Variants in MSS51 observed in about 807,000 individuals in gnomAD.
MSS51 encodes MSS51 mitochondrial translational activator.
Under a neutral mutation model 40.2 loss-of-function variants are expected in MSS51, and 32 were observed. The observed-to-expected ratio is 0.80, with a 90% CI of 0.60 to 1.07. MSS51 has a LOEUF of 1.07. MSS51 is among the 50% of genes least tolerant of loss of function. The pLI is 0.00. For synonymous variants in MSS51, 178 were observed against 214.2 expected (o/e 0.83, Z 1.48); for missense variants, 518 against 568.9 (o/e 0.91, Z 0.91).
intron 1 of MSS51, among the ~76,000 whole-genome samples, chr10:73,428,823 T>C (rs949851821): frequency 6.6e-6 from 1 of 151,904 alleles, no homozygotes; most frequent in Non-Finnish European, 1.5e-5. Flanking sequence ...AATTTACACA[T>C]AGTAAGTCCT....
chr10:73,425,898 G>A lies in MSS51; in HGVS notation c.982C>T (p.His328Tyr), dbSNP rs765432324. ...CAGAAGTCATGGTAGAGGCCCCTGT[G>A]GGCACTAAGCTGAATTGTGCCAGGT... is the stretch of plus-strand genomic sequence containing the variant. ...LEPGTIQLSAHRGLYHDFWEE... is the reference protein window; with the variant it reads ...LEPGTIQLSAYRGLYHDFWEE... The change falls in exon 5 of 7, where the codon CAC becomes TAC. Residue 328 changes from histidine (H) to tyrosine (Y), a missense_variant. His to Tyr is a moderately conservative substitution (Grantham distance 83). Transcript: ENST00000299432. 2.5e-6 allele frequency: 4 copies of A among 1,614,120 alleles called. No homozygotes were observed. In the South Asian group the frequency reaches 3.3e-5, roughly 13 times the overall value.
chr10:73,426,163 G>A lies in MSS51; in HGVS notation c.717C>T (p.Val239=). Residue 239 remains valine (V), a synonymous_variant, in exon 5 of 7, where the codon GTC becomes GTT. Transcript: ENST00000299432. ...GGCCTAGAGTCAAGGGCCGTGACAGGACATCTGTCAGCAGCCGCTTCAAAG... is the reference window on the plus strand; with the variant it reads ...GGCCTAGAGTCAAGGGCCGTGACAGAACATCTGTCAGCAGCCGCTTCAAAG... ...QGSLKRLLTD[V]LSRPLTLGLG... 6.2e-7 allele frequency: 1 copy of A among 1,614,172 alleles called. No individual in the cohort carries two copies. Among genetic ancestry groups the A allele is most frequent in the Non-Finnish European group, 8.5e-7 (1 of 1,180,016 alleles).
chr10:73,425,480 G>A (rs1028216342), intron 5 of MSS51, among the ~76,000 whole-genome samples: 4 of 151,438 alleles, frequency 2.6e-5, no homozygotes, highest in East Asian at 1.9e-4. Flanking sequence ...CGAGATCATC[G>A]TGGCTAACAC....
At chr10:73,426,808 T>G in intron 3 of MSS51, 77 bp from the exon 4 acceptor site, 1 of 1,533,546 alleles carries the variant, frequency 6.5e-7, no homozygotes, top group Non-Finnish European at 8.9e-7. Context: ...CTGATATTCC[T>G]GCACCTAGGA....
rs1487718058 is a variant in MSS51 at position 73,427,950 on chromosome 10, A to C, written c.221+114T>G. The C allele has an allele frequency of 3.3e-6, 4 of 1,216,646 alleles. No individual in the cohort carries two copies. In the Admixed American group the frequency reaches 9.7e-5, roughly 30 times the overall value. 75.4% of individuals were successfully genotyped at this position (1,216,646 alleles called of 1,614,324 possible). A position where few individuals can be genotyped will look rare whatever the true frequency, so the allele number is the denominator to read the frequency against. On this transcript the variant is annotated intron_variant, in intron 2 of 6. Coordinates refer to ENST00000299432, the MANE Select transcript of MSS51 (RefSeq NM_001024593.2). ...ATATAGTAACTGGCAAAAGGATGAG[A>C]AAATCTCTTATTGCAAATACTCCAT...
chr10:73,424,405 A>G lies in MSS51; in HGVS notation c.*148T>C, dbSNP rs2055965013. ...AAAAGAAAGAAACCAGTTATGTTAT[A>G]CAGAAACTCTCATTCAGCTTAGAAT... On this transcript the variant is annotated 3_prime_UTR_variant, in exon 7 of 7. Coordinates refer to ENST00000299432, the MANE Select transcript of MSS51 (RefSeq NM_001024593.2). 5 of 660,532 alleles carry G rather than the reference A, an allele frequency of 7.6e-6. No homozygotes were observed. Among genetic ancestry groups the G allele is most frequent in the Non-Finnish European group, 1.3e-5 (5 of 374,868 alleles). The allele number at this position is 660,532 out of a possible 1,614,324, so 40.9% of individuals were successfully genotyped here.
chr10:73,430,901 T>C (rs1336456307), intron 1 of MSS51, among the ~76,000 whole-genome samples: 1 of 152,026 alleles, frequency 6.6e-6, no homozygotes, highest in African/African-American at 2.4e-5. Context: ...GATAAACAAA[T>C]TGGGATATAA....
chr10:73,428,087 G>A lies in MSS51; in HGVS notation c.198C>T (p.Asn66=), dbSNP rs1197736777. Residue 66 remains asparagine (N), a synonymous_variant, in exon 2 of 7, where the codon AAC becomes AAT. Transcript: ENST00000299432. ...GLSQLILQKL[N]MKSYEEYKLV... is the part of the protein sequence containing the mutation. ...ACTTATATTCTTCATAGCTTTTCATGTTCAGCTTTTGAAGGATCAGCTGCG... is the reference window on the plus strand; with the variant it reads ...ACTTATATTCTTCATAGCTTTTCATATTCAGCTTTTGAAGGATCAGCTGCG... The A allele has an allele frequency of 6.2e-7, 1 of 1,613,974 alleles. No homozygotes were observed. Among genetic ancestry groups the A allele is most frequent in the Non-Finnish European group, 8.5e-7 (1 of 1,179,982 alleles).
In MSS51 at chr10:73,424,362, G is replaced by C; in HGVS notation, c.*191C>G. The C allele has an allele frequency of 1.8e-6, 1 of 559,218 alleles. No individual in the cohort carries two copies. The highest frequency in any genetic ancestry group is 3.2e-6 in the Non-Finnish European group (1 of 312,272). 34.6% of individuals were successfully genotyped at this position (559,218 alleles called of 1,614,324 possible). A position where few individuals can be genotyped will look rare whatever the true frequency, so the allele number is the denominator to read the frequency against. ...GCTGCACTCCAGCCTGGGCAACAGA[G>C]CAAGACTCCATCTCAAAAAAAGAAA... On this transcript the variant is annotated 3_prime_UTR_variant, in exon 7 of 7. Transcript: ENST00000299432.
chr10:73,426,906 T>A (rs566246528), intron 3 of MSS51, among the ~76,000 whole-genome samples, 175 bp from the exon 4 acceptor site: 1 of 152,202 alleles, frequency 6.6e-6, no homozygotes, highest in Non-Finnish European at 1.5e-5. Flanking sequence ...GCAGGAGGGA[T>A]TGGGAATATA....
At chr10:73,425,709 T>G (rs1589674185) in intron 5 of MSS51, 102 bp downstream of exon 5, 1 of 979,542 alleles carries the variant, frequency 1.0e-6, no homozygotes, top group Non-Finnish European at 1.5e-6. Context: ...CATCATATTG[T>G]GTTTAATGAG....
chr10:73,426,478 C>T, intron 4 of MSS51, 101 bp from the exon 5 acceptor site: 1 of 1,577,134 alleles, frequency 6.3e-7, no homozygotes, highest in South Asian at 1.2e-5. Context: ...CTCTGCCAAC[C>T]TGTGAGCAGG....
chr10:73,432,630 G>T (rs2056036633), intron 1 of MSS51, among the ~76,000 whole-genome samples: 1 of 152,310 alleles, frequency 6.6e-6, no homozygotes, highest in South Asian at 2.1e-4. Context: ...GGATCACACA[G>T]TTTGAGGAAG....
At chr10:73,426,440 C>A (rs144854809) in intron 4 of MSS51, 63 bp from the exon 5 acceptor site, 5 of 1,578,052 alleles carry the variant, frequency 3.2e-6, no homozygotes, top group Non-Finnish European at 4.3e-6. Flanking sequence ...TTCCCCCTCA[C>A]TAATGATCAA....
chr10:73,428,154 G>A lies in MSS51; in HGVS notation c.131C>T (p.Thr44Ile). 3 of 1,614,116 alleles carry A rather than the reference G, an allele frequency of 1.9e-6. No homozygotes were observed. Among genetic ancestry groups the A allele is most frequent in the Non-Finnish European group, 2.5e-6 (3 of 1,180,034 alleles). The change falls in exon 2 of 7, where the codon ACA becomes ATA. Residue 44 changes from threonine to isoleucine, a missense_variant. Transcript: ENST00000299432. ...TPSKPGPSID[T>I]LGFFSLDDNV... ...ATCATCCAAGGAGAAGAAGCCAAGT[G>A]TGTCAATGCTAGGGCCAGGTTTTGA...
rs1236255589 is a variant in MSS51, at chr10:73,428,212, T to C, written c.73A>G (p.Thr25Ala). 4.3e-6 allele frequency: 7 copies of C among 1,614,072 alleles called. No individual in the cohort carries two copies. The highest frequency in any genetic ancestry group is 2.7e-5 in the African/African-American group (2 of 75,016). The part of the protein sequence containing the change: ...SSVAPIIMAP[T>A]TIVTPVPLTP... ...AGAGGCACAGGGGTCACAATTGTGG[T>C]TGGGGCCATGATGATGGGAGCCACT... Residue 25 changes from threonine to alanine, a missense_variant, in exon 2 of 7, where the codon ACC (threonine) becomes GCC (alanine). Transcript: ENST00000299432.
intron 1 of MSS51, among the ~76,000 whole-genome samples, chr10:73,432,619 AG>A (rs2056036519): frequency 6.6e-6 from 1 of 152,214 alleles, no homozygotes; most frequent in South Asian, 2.1e-4. Context: ...AGAAAGCAAA[AG>A]GATCACACAG....
Position 73,425,862 on chromosome 10 carries a change from C to G in MSS51, c.1018G>C (p.Val340Leu). ...GLYHDFWEEQ[V>L]ETGQTHHPDL... The stretch of plus-strand genomic sequence containing the variant: ...GGATGGTGTGTCTGCCCGGTCTCTA[C>G]TTGCTCCTCCCAGAAGTCATGGTAG... Residue 340 changes from valine to leucine, a missense_variant, in exon 5 of 7, where the codon GTA (valine) becomes CTA (leucine). Transcript: ENST00000299432. The G allele has an allele frequency of 3.1e-6, 5 of 1,614,096 alleles. No individual in the cohort carries two copies. Among genetic ancestry groups the G allele is most frequent in the Non-Finnish European group, 4.2e-6 (5 of 1,180,012 alleles).
intron 4 of MSS51, 59 bp from the exon 5 acceptor site, chr10:73,426,436 C>T (rs1310661799): frequency 1.7e-5 from 27 of 1,578,374 alleles, no homozygotes; most frequent in Non-Finnish European, 1.9e-5. Context: ...AAATTTCCCC[C>T]TCACTAATGA....
Sources: gnomAD v4.1 joint callset for allele counts (sites outside exome capture counted in the v4.1 genomes callset) on GRCh38, gnomAD v4.1.1 for gene constraint, MANE v1.5 for transcripts, NCBI Gene and HGNC (gene_info 2026-07-23, HGNC 2026-07-21) for gene names.